Variants in MVB12A observed in about 807,000 individuals in gnomAD.
MVB12A encodes the protein CIN85/CD2AP family binding protein.
MVB12A carries 30 observed loss-of-function variants against 34.3 expected under a neutral mutation model. The observed-to-expected ratio is 0.88, with a 90% CI of 0.65 to 1.19. The LOEUF is 1.19. Ranked by LOEUF, MVB12A falls within the 50% of genes most tolerant of loss-of-function variation. MVB12A has a pLI of 0.00. For synonymous variants in MVB12A, 158 were observed against 158.9 expected, an observed-to-expected ratio of 0.99 and a Z score of 0.04; for missense variants, 355 against 369.2, an observed-to-expected ratio of 0.96 and a Z score of 0.31.
At chr19:17,408,466 G>C (rs1046195748) in intron 2 of MVB12A, among the ~76,000 whole-genome samples, 1 of 147,888 alleles carries the variant, frequency 6.8e-6, no homozygotes, top group Non-Finnish European at 1.5e-5. Context: ...TTTTTTTTGA[G>C]ATGGAGTCTC....
chr19:17,424,690 C>A lies in MVB12A; in HGVS notation c.759+13C>A. 6.2e-7 allele frequency: 1 copy of A among 1,601,476 alleles called. No homozygotes were observed. The highest frequency in any genetic ancestry group is 1.1e-5 in the South Asian group (1 of 89,858). On this transcript the variant is annotated intron_variant, in intron 8 of 8. Transcript: ENST00000317040. ...CATTGAGGAGGAGGTGGGTGCAGGG[C>A]TAGGGAGGAGGTGGGTGCAGGGCTA...
At chr19:17,408,560 C>A (rs956117409) in intron 2 of MVB12A, among the ~76,000 whole-genome samples, 2 of 150,404 alleles carry the variant, frequency 1.3e-5, no homozygotes, top group African/African-American at 4.9e-5. Flanking sequence ...GATTCCCCTG[C>A]CTCAGCCTCC....
At chr19:17,419,872 C>A (rs1235620984), upstream of MVB12A, 1 of 335,024 alleles carries the variant, frequency 3.0e-6, no homozygotes, top group East Asian at 4.7e-5. Flanking sequence ...TTGCTGGGCG[C>A]GGAAAGCCGG....
Position 17,420,130 on chromosome 19 carries a change from C to G in MVB12A, c.-6C>G, listed in dbSNP as rs1384629923. The G allele has an allele frequency of 7.5e-7, 1 of 1,339,682 alleles. No homozygotes were observed. The highest frequency in any genetic ancestry group is 4.1e-5 in the Admixed American group (1 of 24,634). 83.0% of individuals were successfully genotyped at this position (1,339,682 alleles called of 1,614,324 possible). A position where few individuals can be genotyped will look rare whatever the true frequency, so the allele number is the denominator to read the frequency against. ...GCGACCCCGCCTTCGGCGCTCGGCT[C>G]GCAGGATGGATCCCGTACCCGGGAC... On this transcript the variant is annotated 5_prime_UTR_variant, in exon 1 of 9. Coordinates refer to ENST00000317040, the MANE Select transcript of MVB12A (RefSeq NM_138401.4).
chr19:17,422,100 C>T (rs1334050962), intron 3 of MVB12A: 3 of 395,306 alleles, frequency 7.6e-6, no homozygotes, highest in Non-Finnish European at 1.4e-5. Flanking sequence ...CCCATGAATG[C>T]AGCTTCATAT....
upstream of MVB12A, chr19:17,418,416 G>C (rs1049097550): frequency 2.4e-5 from 2 of 84,866 alleles, no homozygotes; most frequent in Non-Finnish European, 5.5e-5. Context: ...TTATTGAGAC[G>C]AGTTTCGCTC....
chr19:17,420,464 A>G, intron 2 of MVB12A, 53 bp downstream of exon 2: 1 of 1,597,182 alleles, frequency 6.3e-7, no homozygotes, highest in Non-Finnish European at 8.6e-7. Context: ...TCCCCTGCCC[A>G]TTCACGGTGC....
chr19:17,424,939 C>CGGCT lies in MVB12A; in HGVS notation c.769_772dup (p.Phe258TrpfsTer105). Reference sequence around the variant, plus strand: ...CTCTCCCCATCCCCCAGTATAACTACGGCTTCGTGGTGGAGAAGACCGCGG... The same window carrying CGGCT: ...CTCTCCCCATCCCCCAGTATAACTACGGCTGGCTTCGTGGTGGAGAAGACCGCGG... On this transcript the variant is annotated frameshift_variant, in exon 9 of 9. Transcript: ENST00000317040. LOFTEE classifies it high-confidence loss of function. The CGGCT allele has an allele frequency of 6.2e-7, 1 of 1,609,596 alleles. No individual in the cohort carries two copies. Among genetic ancestry groups the CGGCT allele is most frequent in the Non-Finnish European group, 8.5e-7 (1 of 1,177,414 alleles).
chr19:17,414,372 ATTC>A (rs1470930762), intron 2 of MVB12A: 1 of 152,218 alleles, frequency 6.6e-6, no homozygotes, highest in Admixed American at 6.5e-5. Flanking sequence ...TATCACAGGT[ATTC>A]TTCTTTTCCT....
chr19:17,410,497 C>CATATATATATATATATATAT (rs373127253), intron 2 of MVB12A, among the ~76,000 whole-genome samples: 23 of 77,588 alleles, frequency 3.0e-4, no homozygotes, highest in Non-Finnish European at 3.7e-4. Flanking sequence ...GTTTTAGCTT[C>CATATATATATATATATATAT]ATATATATAT....
At chr19:17,409,592 G>A (rs2074751238) in intron 2 of MVB12A, among the ~76,000 whole-genome samples, 1 of 150,000 alleles carries the variant, frequency 6.7e-6, no homozygotes, top group African/African-American at 2.5e-5. Context: ...GGGATTACAG[G>A]CATGCGCCAC....
At chr19:17,409,885 A>G (rs1396991670) in intron 2 of MVB12A, among the ~76,000 whole-genome samples, 7 of 151,404 alleles carry the variant, frequency 4.6e-5, no homozygotes, top group Non-Finnish European at 1.0e-4. Flanking sequence ...CAGTCTCCTG[A>G]GTAGCTGGGA....
Position 17,425,060 on chromosome 19 carries a change from TCACTGCATCCTGGGGCCACCCCCAC to T in MVB12A, c.*68_*92del, listed in dbSNP as rs2074863137. ...CCCGCCAGCCTGGGGCCACCCCCCC[TCACTGCATCCTGGGGCCACCCCCAC>T]TCACTGCATCCTGGGAACCTTCGCC... On this transcript the variant is annotated 3_prime_UTR_variant, in exon 9 of 9. Transcript: ENST00000317040. The T allele has an allele frequency of 1.3e-5, 7 of 550,816 alleles. No homozygotes were observed. The highest frequency in any genetic ancestry group is 1.2e-4 in the South Asian group (4 of 33,250). The allele number at this position is 550,816 out of a possible 1,614,324, so 34.1% of individuals were successfully genotyped here.
intron 2 of MVB12A, among the ~76,000 whole-genome samples, chr19:17,408,426 TTTG>T (rs2074742381): frequency 6.8e-6 from 1 of 146,142 alleles, no homozygotes; most frequent in Non-Finnish European, 1.5e-5. Context: ...TTTATTTTAT[TTTG>T]TTTTAATTAA....
chr19:17,408,628 G>A (rs2074743908), intron 2 of MVB12A, among the ~76,000 whole-genome samples: 1 of 150,248 alleles, frequency 6.7e-6, no homozygotes, highest in Non-Finnish European at 1.5e-5. Flanking sequence ...TGTACTTTTA[G>A]TAGAGACAGG....
chr19:17,422,381 G>T lies in MVB12A; in HGVS notation c.336G>T (p.Leu112=). 1 of 1,613,618 alleles carries T rather than the reference G, an allele frequency of 6.2e-7. No homozygotes were observed. Among genetic ancestry groups the T allele is most frequent in the African/African-American group, 1.3e-5 (1 of 74,984 alleles). The change falls in exon 4 of 9, where the codon CTG becomes CTT. Residue 112 remains leucine (L), a synonymous_variant. Coordinates refer to ENST00000317040, the MANE Select transcript of MVB12A (RefSeq NM_138401.4). ...KKRMCVKLLP[L]GATDTAVFDV... is the part of the protein sequence containing the mutation. Reference sequence around the variant, plus strand: ...GCATGTGTGTGAAGCTGTTGCCCCTGGGAGCCACGGACACGGCTGTGTTTG... The same window carrying T: ...GCATGTGTGTGAAGCTGTTGCCCCTTGGAGCCACGGACACGGCTGTGTTTG...
chr19:17,425,327 C>A lies in MVB12A; in HGVS notation c.*334C>A, dbSNP rs2074865583. The A allele has an allele frequency of 3.0e-6, 1 of 333,380 alleles. No individual in the cohort carries two copies. Among genetic ancestry groups the A allele is most frequent in the South Asian group, 7.3e-5 (1 of 13,664 alleles). The allele number at this position is 333,380 out of a possible 1,614,324, so 20.7% of individuals were successfully genotyped here. On this transcript the variant is annotated 3_prime_UTR_variant, in exon 9 of 9. Coordinates refer to ENST00000317040, the MANE Select transcript of MVB12A (RefSeq NM_138401.4). Reference sequence around the variant, plus strand: ...TCCTGGCAATAAACACTACCCGGTTCTCGCCCTCTGGAGTCCTGATCCTGC... The same window carrying A: ...TCCTGGCAATAAACACTACCCGGTTATCGCCCTCTGGAGTCCTGATCCTGC...
intron 2 of MVB12A, among the ~76,000 whole-genome samples, chr19:17,411,262 G>A (rs1180707871): frequency 2.6e-5 from 4 of 151,890 alleles, no homozygotes; most frequent in South Asian, 2.1e-4. Flanking sequence ...CACCGTGCCC[G>A]GCCAACATTT....
rs1281039791 is a variant in MVB12A at position 17,410,041 on chromosome 19, G to A, written c.-5+3745G>A. ...CAAAGTACTGCGATTACAGCCATGA[G>A]CCACCACGCCCGGCCTTCCATTACT... On this transcript the variant is annotated intron_variant, in intron 2 of 6. Transcript: ENST00000528604. Among the ~76,000 whole-genome samples, 4 of 152,084 alleles carry A rather than the reference G, an allele frequency of 2.6e-5. No homozygotes were observed. The East Asian group carries it at 7.7e-4, about 29-fold the overall frequency.
Sources: gnomAD v4.1 joint callset for allele counts (sites outside exome capture counted in the v4.1 genomes callset) on GRCh38, gnomAD v4.1.1 for gene constraint, MANE v1.5 for transcripts, NCBI Gene and HGNC (gene_info 2026-07-23, HGNC 2026-07-21) for gene names.